CELSR1: variants seen among roughly 807,000 people sequenced by gnomAD.
CELSR1 encodes the protein cadherin EGF LAG seven-pass G-type receptor 1, also known as adhesion G protein-coupled receptor C1.
CELSR1 carries 110 observed loss-of-function variants against 249.1 expected under a neutral mutation model. That is an observed-to-expected ratio of 0.44 (90% CI 0.38 to 0.52). The LOEUF (loss-of-function observed/expected upper bound fraction) is 0.52, where lower values mean the gene tolerates loss of function less well. Among genes scored for constraint, CELSR1 ranks in the 20% least tolerant of loss-of-function variants. The probability of loss-of-function intolerance (pLI) is 0.00; values close to 1 mark genes in which losing one functional copy is unlikely to be tolerated. For missense variants in CELSR1, 4,109 were observed against 4,296.4 expected (o/e 0.96, Z 1.22); for synonymous variants, 2,113 against 1,900.0 (o/e 1.11, Z -2.92).
rs1031935940 is a variant in CELSR1 at position 46,526,378 on chromosome 22, T to C, written c.3544+7249A>G. On this transcript the variant is annotated intron_variant, in intron 1 of 34. Transcript: ENST00000674500. This position sits in a 1 kb window ranked among gnomAD's most constrained non-coding sequence, Gnocchi z 4.7. ...GGTGCTGTGCGTAACCCGCCAACTCTGCTGGGCCTTTAGCTCAGCCTTGTG... is the reference window on the plus strand; with the variant it reads ...GGTGCTGTGCGTAACCCGCCAACTCCGCTGGGCCTTTAGCTCAGCCTTGTG... Among the ~76,000 whole-genome samples the C allele has an allele frequency of 3.3e-5, 5 of 152,324 alleles. 1 individual carries two copies. The South Asian group carries it at 1.0e-3, about 32-fold the overall frequency.
chr22:46,536,486 G>T lies in CELSR1; in HGVS notation c.685C>A (p.Pro229Thr). The change falls in exon 1 of 35, where the codon CCG becomes ACG. Residue 229 changes from proline (P) to threonine (T), a missense_variant. Transcript: ENST00000674500. ...PPNLPEARAG[P>T]ARRARRGTSG... ...GTGCCCCGCCGGGCCCGTCGCGCCG[G>T]CCCCGCCCGGGCTTCGGGCAAGTTC... The T allele has an allele frequency of 6.3e-7, 1 of 1,592,578 alleles. No homozygotes were observed. Among genetic ancestry groups the T allele is most frequent in the South Asian group, 1.1e-5 (1 of 89,464 alleles).
In CELSR1 at chr22:46,479,520, G is replaced by A. The variant is rs9680759; in HGVS notation, c.3545-15175C>T. Among the ~76,000 whole-genome samples, 1,475 of 151,858 alleles carry A rather than the reference G, an allele frequency of 9.7e-3. 31 individuals are homozygous for A. Among genetic ancestry groups the A allele is most frequent in the African/African-American group, 0.034 (1,410 of 41,418 alleles). On this transcript the variant is annotated intron_variant, in intron 1 of 34. Coordinates refer to ENST00000674500, the MANE Select transcript of CELSR1 (RefSeq NM_001378328.1). Reference sequence around the variant, plus strand: ...GCCATGTCCCCCACAAGCTCATCACGGAGCCAGAGACCACAGCTGCCTCTG... The same window carrying A: ...GCCATGTCCCCCACAAGCTCATCACAGAGCCAGAGACCACAGCTGCCTCTG...
intron 1 of CELSR1, among the ~76,000 whole-genome samples, chr22:46,533,126 C>A (rs1050562282): frequency 3.3e-5 from 5 of 152,330 alleles, no homozygotes; most frequent in Admixed American, 2.6e-4. Flanking sequence ...GACAGAAAAG[C>A]CAGACCAAGG....
At chr22:46,511,392 C>T (rs2080572074) in intron 1 of CELSR1, among the ~76,000 whole-genome samples, 1 of 152,204 alleles carries the variant, frequency 6.6e-6, no homozygotes, top group Admixed American at 6.5e-5. Context: ...CTGGCCAGGC[C>T]CTTAAATCCC....
intron 19 of CELSR1, among the ~76,000 whole-genome samples, 182 bp downstream of exon 19, chr22:46,386,220 C>T (rs1430836836): frequency 1.3e-5 from 2 of 152,058 alleles, no homozygotes; most frequent in Non-Finnish European, 2.9e-5. Flanking sequence ...TCTGCCTGTC[C>T]CGATCTCCCA....
At position 46,512,636 on chromosome 22, in the gene CELSR1, C is replaced by G. The variant is rs2080585603; in HGVS notation, c.3544+20991G>C. On this transcript the variant is annotated intron_variant, in intron 1 of 34. Transcript: ENST00000674500. This position sits in a 1 kb window ranked among gnomAD's most constrained non-coding sequence, Gnocchi z 5.2. ...CTTGACATCTGCTGAAGCCAGGAGG[C>G]CTCAAATGGCCTCACCACAGGTCCC... is the stretch of plus-strand genomic sequence containing the variant. 6.6e-6 allele frequency among the ~76,000 whole-genome samples: 1 copy of G among 152,158 alleles called. No individual in the cohort carries two copies. Among genetic ancestry groups the G allele is most frequent in the Non-Finnish European group, 1.5e-5 (1 of 68,032 alleles).
rs898502989 is a variant in CELSR1, at chr22:46,407,575, T to C, written c.5226+1421A>G. 6.6e-6 allele frequency among the ~76,000 whole-genome samples: 1 copy of C among 151,932 alleles called. No homozygotes were observed. The highest frequency in any genetic ancestry group is 6.6e-5 in the Admixed American group (1 of 15,252). On this transcript the variant is annotated intron_variant, in intron 9 of 34. Transcript: ENST00000674500. The surrounding 1 kb of genome is among the most constrained non-coding windows in gnomAD (Gnocchi z 4.8). Reference sequence around the variant, plus strand: ...TGAACCTGGGGGGCAGAAGTTGCAGTGAGCTGAGGTTACGCCGTCGCACTC... The same window carrying C: ...TGAACCTGGGGGGCAGAAGTTGCAGCGAGCTGAGGTTACGCCGTCGCACTC...
chr22:46,525,321 C>T (rs566658602), intron 1 of CELSR1, among the ~76,000 whole-genome samples: 65 of 152,224 alleles, frequency 4.3e-4, no homozygotes, highest in Non-Finnish European at 6.6e-4. Context: ...TGGTGGTGCG[C>T]GCCTGTCATC....
Position 46,369,683 on chromosome 22 carries a change from C to T in CELSR1, c.7872+9G>A, listed in dbSNP as rs1434701929. ...GGCACCCGGACTCCCGTGAAGGCCCCACACTCACGATTATAACAGCTCCGA... is the reference window on the plus strand; with the variant it reads ...GGCACCCGGACTCCCGTGAAGGCCCTACACTCACGATTATAACAGCTCCGA... On this transcript the variant is annotated intron_variant, in intron 26 of 34. Transcript: ENST00000674500. The T allele has an allele frequency of 6.2e-7, 1 of 1,611,162 alleles. No homozygotes were observed. The highest frequency in any genetic ancestry group is 1.1e-5 in the South Asian group (1 of 91,034).
intron 27 of CELSR1, among the ~76,000 whole-genome samples, chr22:46,368,210 G>A (rs2078809277): frequency 6.6e-6 from 1 of 152,196 alleles, no homozygotes; most frequent in South Asian, 2.1e-4. Context: ...AAGAGCCCAG[G>A]ACCTGCCCTT....
intron 2 of CELSR1, among the ~76,000 whole-genome samples, chr22:46,451,803 T>C: frequency 6.6e-6 from 1 of 152,228 alleles, no homozygotes; most frequent in East Asian, 1.9e-4. Flanking sequence ...AAAGAAGGAA[T>C]TTTACTTATA....
At chr22:46,493,434 T>C (rs932868185) in intron 1 of CELSR1, among the ~76,000 whole-genome samples, 2 of 151,382 alleles carry the variant, frequency 1.3e-5, no homozygotes, top group Non-Finnish European at 2.9e-5. Context: ...TAATCCCAGC[T>C]ACTTGGGAGG....
rs539605978 is a variant in CELSR1, at chr22:46,405,893, G to A, written c.5226+3103C>T. ...TCCCCCAGAACCTTCGGTAACGTGT[G>A]GTTGACCGGCCTCTGCGAGCTGCCC... On this transcript the variant is annotated intron_variant, in intron 9 of 34. Transcript: ENST00000674500. Among the ~76,000 whole-genome samples the A allele has an allele frequency of 5.3e-5, 8 of 152,288 alleles. No homozygotes were observed. The South Asian group carries it at 6.2e-4, about 12-fold the overall frequency.
chr22:46,467,476 G>A (rs2080109053), intron 1 of CELSR1, among the ~76,000 whole-genome samples: 1 of 151,856 alleles, frequency 6.6e-6, no homozygotes, highest in African/African-American at 2.4e-5. Flanking sequence ...CCCATTTTGT[G>A]AGGGGGCTGC....
chr22:46,412,120 C>T lies in CELSR1; in HGVS notation c.4612-361G>A, dbSNP rs368433037. On this transcript the variant is annotated intron_variant, in intron 5 of 34. Coordinates refer to ENST00000674500, the MANE Select transcript of CELSR1 (RefSeq NM_001378328.1). The surrounding 1 kb of genome is among the most constrained non-coding windows in gnomAD (Gnocchi z 4.5). ...GGCACACAGGGAGAAGCTGCGTGAC[C>T]GCGGAGGCAGCTGCTGGAGCAGCTG... Among the ~76,000 whole-genome samples, 33 of 152,290 alleles carry T rather than the reference C, an allele frequency of 2.2e-4. No homozygotes were observed. The East Asian group carries it at 2.5e-3, about 12-fold the overall frequency.
chr22:46,363,378 G>A lies in CELSR1; in HGVS notation c.9036-131C>T. The A allele has an allele frequency of 1.4e-6, 1 of 717,622 alleles. No homozygotes were observed. The allele number at this position is 717,622 out of a possible 1,614,324, so 44.5% of individuals were successfully genotyped here. On this transcript the variant is annotated intron_variant, in intron 34 of 34. Coordinates refer to ENST00000674500, the MANE Select transcript of CELSR1 (RefSeq NM_001378328.1). This position sits in a 1 kb window ranked among gnomAD's most constrained non-coding sequence, Gnocchi z 4.3. Reference sequence around the variant, plus strand: ...AGAGGGGGCGTCTGGGGGCTCCAGGGAGGGCAAGCTCATGTTGGATGAGGC... The same window carrying A: ...AGAGGGGGCGTCTGGGGGCTCCAGGAAGGGCAAGCTCATGTTGGATGAGGC...
Position 46,385,834 on chromosome 22 carries a change from C to T in CELSR1, c.6739+568G>A, listed in dbSNP as rs559826427. 2.4e-4 allele frequency among the ~76,000 whole-genome samples: 37 copies of T among 152,144 alleles called. No individual in the cohort carries two copies. The East Asian group carries it at 2.9e-3, about 12-fold the overall frequency. On this transcript the variant is annotated intron_variant, in intron 19 of 34. Coordinates refer to ENST00000674500, the MANE Select transcript of CELSR1 (RefSeq NM_001378328.1). ...CTGGGACTACAAACGCCCACCACCA[C>T]GACCGGCTACTTTTTTGTATTTTTA...
chr22:46,377,421 G>A, intron 23 of CELSR1, 160 bp from the exon 24 acceptor site: 2 of 756,584 alleles, frequency 2.6e-6, no homozygotes, highest in Non-Finnish European at 4.3e-6. Flanking sequence ...CTCTGGGCCT[G>A]GAACTGCCCC....
chr22:46,495,972 T>A (rs1386907222), intron 1 of CELSR1, among the ~76,000 whole-genome samples: 1 of 152,034 alleles, frequency 6.6e-6, no homozygotes, highest in Non-Finnish European at 1.5e-5. Context: ...GGTGGGCGGA[T>A]CACCTGAGGT....
Sources: gnomAD v4.1 joint callset for allele counts (sites outside exome capture counted in the v4.1 genomes callset) on GRCh38, gnomAD v4.1.1 for gene constraint, Gnocchi (gnomAD v3.1) non-coding constraint, MANE v1.5 for transcripts, NCBI Gene and HGNC (gene_info 2026-07-23, HGNC 2026-07-21) for gene names.